The following CFAP46 variants were observed in gnomAD, a reference collection of about 807,000 sequenced individuals.
CFAP46 encodes the protein cilia and flagella associated protein 46, also known as cilia- and flagella-associated protein 46.
CFAP46 carries 245 observed loss-of-function variants against 325.7 expected under a neutral mutation model. That is an observed-to-expected ratio of 0.75 (90% CI 0.68 to 0.84). The LOEUF is 0.84. CFAP46 is among the 40% of genes least tolerant of loss of function. The pLI, the probability that CFAP46 is intolerant of heterozygous loss-of-function variation, is 0.00. For missense variants in CFAP46, 3,346 were observed against 3,543.0 expected (o/e 0.94, Z 1.41); for synonymous variants, 1,523 against 1,495.9 (o/e 1.02, Z -0.42).
chr10:132,808,614 G>A lies in CFAP46; in HGVS notation c.7955C>T (p.Pro2652Leu). 1 of 1,611,822 alleles carries A rather than the reference G, an allele frequency of 6.2e-7. No individual in the cohort carries two copies. Among genetic ancestry groups the A allele is most frequent in the Non-Finnish European group, 8.5e-7 (1 of 1,179,370 alleles). The change falls in exon 58 of 58, where the codon CCC becomes CTC. Residue 2652 changes from proline (P) to leucine (L), a missense_variant. Coordinates refer to ENST00000368586, the MANE Select transcript of CFAP46 (RefSeq NM_001200049.3). The surrounding 1 kb of genome is among the most constrained non-coding windows in gnomAD (Gnocchi z 6.8). ...ALGAASARDPPPATSRKAAAW... is the reference protein window; with the variant it reads ...ALGAASARDPLPATSRKAAAW... ...GGCTGCCTTGCGGGAAGTCGCTGGG[G>A]GAGGGTCCCTGGCTGAGGCTGCACC...
At chr10:132,826,883 C>T (rs1848065806) in intron 50 of CFAP46, among the ~76,000 whole-genome samples, 1 of 152,198 alleles carries the variant, frequency 6.6e-6, no homozygotes, top group Admixed American at 6.5e-5. Flanking sequence ...AAGGCCCTGG[C>T]TTTGCAGTAC....
At chr10:132,858,681 C>T (rs1346288433) in intron 38 of CFAP46, among the ~76,000 whole-genome samples, 2 of 151,814 alleles carry the variant, frequency 1.3e-5, no homozygotes, top group Non-Finnish European at 2.9e-5. Context: ...GGGATGTGCA[C>T]GTGTGACCTG....
chr10:132,834,849 T>C (rs1299664059), intron 47 of CFAP46, 74 bp from the exon 48 acceptor site: 4 of 1,521,854 alleles, frequency 2.6e-6, no homozygotes, highest in Non-Finnish European at 2.6e-6. Flanking sequence ...GCCAGGCCCC[T>C]GCAGAAAGGC....
intron 49 of CFAP46, among the ~76,000 whole-genome samples, 199 bp downstream of exon 49, chr10:132,833,842 G>A: frequency 6.6e-6 from 1 of 152,212 alleles, no homozygotes; most frequent in East Asian, 1.9e-4. Flanking sequence ...CCTACCCAGA[G>A]GGCTGGTCCA....
In CFAP46 at chr10:132,938,729, T is replaced by C; in HGVS notation, c.396A>G (p.Ala132=). ...TCACCATCTGCCAGTAGAGGACTGATGCATTGTACACCAAAAAGTAGTACC... is the reference window on the plus strand; with the variant it reads ...TCACCATCTGCCAGTAGAGGACTGACGCATTGTACACCAAAAAGTAGTACC... ...EPRYYFLVYN[A]SVLYWQMVRP... is the part of the protein sequence containing the mutation. Residue 132 remains alanine, a synonymous_variant, in exon 5 of 58, where the codon GCA becomes GCG. Transcript: ENST00000368586. 2 of 1,613,392 alleles carry C rather than the reference T, an allele frequency of 1.2e-6. No homozygotes were observed. Among genetic ancestry groups the C allele is most frequent in the Non-Finnish European group, 1.7e-6 (2 of 1,179,950 alleles).
chr10:132,934,717 T>C, intron 8 of CFAP46, 35 bp downstream of exon 8: 2 of 1,330,508 alleles, frequency 1.5e-6, no homozygotes, highest in Non-Finnish European at 2.1e-6. Flanking sequence ...ACAACGATTA[T>C]GAAGATGTGA....
chr10:132,873,785 C>T (rs987534208), intron 31 of CFAP46, among the ~76,000 whole-genome samples: 4 of 152,024 alleles, frequency 2.6e-5, no homozygotes, highest in African/African-American at 4.8e-5. Context: ...TGAGGCTGAT[C>T]GGGAGAGCGA....
At position 132,808,512 on chromosome 10, in the gene CFAP46, C is replaced by T; in HGVS notation, c.8057G>A (p.Gly2686Asp). The change falls in exon 58 of 58, where the codon GGC (glycine) becomes GAC (aspartate). Residue 2686 changes from glycine to aspartate, a missense_variant. Gly to Asp is a moderately conservative substitution (Grantham distance 94, BLOSUM62 -1). Coordinates refer to ENST00000368586, the MANE Select transcript of CFAP46 (RefSeq NM_001200049.3). This position sits in a 1 kb window ranked among gnomAD's most constrained non-coding sequence, Gnocchi z 6.8. ...CAAGGGGAGGCCGCCCTTGTCCTGGCCCCGGGAAGAGACGCAGCTCCAGCC... is the reference window on the plus strand; with the variant it reads ...CAAGGGGAGGCCGCCCTTGTCCTGGTCCCGGGAAGAGACGCAGCTCCAGCC... ...RRGWSCVSSRGQDKGGLPLAA... is the reference protein window; with the variant it reads ...RRGWSCVSSRDQDKGGLPLAA... 1.2e-6 allele frequency: 2 copies of T among 1,613,146 alleles called. No individual in the cohort carries two copies. The highest frequency in any genetic ancestry group is 1.7e-6 in the Non-Finnish European group (2 of 1,179,948).
chr10:132,866,452 C>T (rs1006965992), intron 34 of CFAP46, among the ~76,000 whole-genome samples: 2 of 152,230 alleles, frequency 1.3e-5, no homozygotes, highest in South Asian at 2.1e-4. Flanking sequence ...CCACTAGCCA[C>T]GTAGAGCCTT....
At chr10:132,858,730 C>T (rs1848683072) in intron 38 of CFAP46, among the ~76,000 whole-genome samples, 4 of 151,828 alleles carry the variant, frequency 2.6e-5, no homozygotes. Flanking sequence ...GTGCCTGTGG[C>T]TGGTGGGGGT....
At position 132,881,888 on chromosome 10, in the gene CFAP46, C is replaced by G. The variant is rs1849048424; in HGVS notation, c.3628-856G>C. Among the ~76,000 whole-genome samples the G allele has an allele frequency of 2.0e-5, 3 of 152,272 alleles. No homozygotes were observed. The South Asian group carries it at 6.2e-4, about 31-fold the overall frequency. On this transcript the variant is annotated intron_variant, in intron 27 of 57. Transcript: ENST00000368586. The stretch of plus-strand genomic sequence containing the variant: ...AGCCCACGAATCTGCTGGGGGTTCC[C>G]TCTGTGCTCGGCACTCACACTGCAT...
chr10:132,879,745 C>T, intron 28 of CFAP46, 114 bp from the exon 29 acceptor site: 1 of 1,076,070 alleles, frequency 9.3e-7, no homozygotes, highest in Non-Finnish European at 1.3e-6. Context: ...CTCGCGGACA[C>T]CCGGTGCTCC....
rs1357443819 is a variant in CFAP46 at position 132,899,179 on chromosome 10, G to C, written c.3057-58C>G. The stretch of plus-strand genomic sequence containing the variant: ...CACCTGGGCCCACCTGGAGCTGCTG[G>C]ACCAGGAGGGACAGGAAGGTCGGGC... On this transcript the variant is annotated intron_variant, in intron 23 of 57. Transcript: ENST00000368586. The C allele has an allele frequency of 4.7e-6, 7 of 1,501,018 alleles. No individual in the cohort carries two copies. In the East Asian group the frequency reaches 1.7e-4, roughly 37 times the overall value. 93.0% of individuals were successfully genotyped at this position (1,501,018 alleles called of 1,614,324 possible). A position where few individuals can be genotyped will look rare whatever the true frequency, so the allele number is the denominator to read the frequency against.
intron 18 of CFAP46, 31 bp downstream of exon 18, chr10:132,913,015 C>G: frequency 6.5e-7 from 1 of 1,543,298 alleles, no homozygotes; most frequent in Non-Finnish European, 8.8e-7. Flanking sequence ...GAAGCCCCTC[C>G]CTGCGTGAAC....
chr10:132,838,347 C>T (rs1482239827), intron 44 of CFAP46, among the ~76,000 whole-genome samples: 1 of 152,270 alleles, frequency 6.6e-6, no homozygotes, highest in Non-Finnish European at 1.5e-5. Context: ...ATAAAACTTA[C>T]TATCAAAGTA....
chr10:132,843,178 G>T (rs1848371262), intron 44 of CFAP46, among the ~76,000 whole-genome samples: 1 of 152,192 alleles, frequency 6.6e-6, no homozygotes, highest in African/African-American at 2.4e-5. Flanking sequence ...GCACATATGG[G>T]ATGCTGCAGA....
In CFAP46 at chr10:132,926,653, A is replaced by C. The variant is rs999851938; in HGVS notation, c.980T>G (p.Leu327Arg). The change falls in exon 10 of 58, where the codon CTT becomes CGT. Residue 327 changes from leucine to arginine, a missense_variant. Physicochemically the swap from Leu to Arg is moderately radical, Grantham distance 102. Coordinates refer to ENST00000368586, the MANE Select transcript of CFAP46 (RefSeq NM_001200049.3). ...KKMESKDPGK[L>R]IEMECLECES... Reference sequence around the variant, plus strand: ...ACACTCCAGACATTCCATTTCAATAAGCTTCCCAGGATCCTGCAGATATAA... The same window carrying C: ...ACACTCCAGACATTCCATTTCAATACGCTTCCCAGGATCCTGCAGATATAA... 9.8e-6 allele frequency: 15 copies of C among 1,535,986 alleles called. No individual in the cohort carries two copies. The highest frequency in any genetic ancestry group is 1.4e-5 in the African/African-American group (1 of 73,046).
At chr10:132,867,596 A>AC in intron 33 of CFAP46, 89 bp from the exon 34 acceptor site, 1 of 1,455,618 alleles carries the variant, frequency 6.9e-7, no homozygotes, top group Non-Finnish European at 9.2e-7. Context: ...AAACGAAAAC[A>AC]GCCACAATTA....
At position 132,876,178 on chromosome 10, in the gene CFAP46, T is replaced by C. The variant is rs1252198284; in HGVS notation, c.4362+634A>G. Among the ~76,000 whole-genome samples the C allele has an allele frequency of 2.0e-5, 3 of 152,134 alleles. No homozygotes were observed. The highest frequency in any genetic ancestry group is 4.4e-5 in the Non-Finnish European group (3 of 68,010). ...CCCCTGCCCACCCACCGGCTGCTGA[T>C]ATTGAGGGGAGTGGCATCAGCAGGG... On this transcript the variant is annotated intron_variant, in intron 31 of 57. Transcript: ENST00000368586. The surrounding 1 kb of genome is among the most constrained non-coding windows in gnomAD (Gnocchi z 4.1).
Sources: allele counts gnomAD v4.1 joint callset (sites outside exome capture counted in the v4.1 genomes callset), GRCh38; gene constraint gnomAD v4.1.1; non-coding constraint Gnocchi (gnomAD v3.1); transcripts MANE v1.5; gene names NCBI Gene and HGNC (gene_info 2026-07-23, HGNC 2026-07-21).